ATG2B: variants seen among roughly 807,000 people sequenced by gnomAD.
ATG2B encodes autophagy-related protein 2 homolog B.
ATG2B carries 121 observed loss-of-function variants against 241.3 expected under a neutral mutation model. The ratio of observed to expected loss-of-function variants is 0.50; its 90% CI spans 0.43 to 0.58. The LOEUF (loss-of-function observed/expected upper bound fraction) is 0.58. ATG2B is among the 20% of genes least tolerant of loss of function. The pLI, the probability that ATG2B is intolerant of heterozygous loss-of-function variation, is 0.00. For synonymous variants in ATG2B, 858 were observed against 876.6 expected, an observed-to-expected ratio of 0.98 and a Z score of 0.37; for missense variants, 2,306 against 2,491.6, an observed-to-expected ratio of 0.93 and a Z score of 1.59.
At chr14:96,339,021 A>G (rs1337289511) in intron 6 of ATG2B, among the ~76,000 whole-genome samples, 6 of 152,128 alleles carry the variant, frequency 3.9e-5, no homozygotes, top group Non-Finnish European at 7.4e-5. Flanking sequence ...AACAACCATG[A>G]AAAAGTGTTC....
At chr14:96,347,986 A>G (rs1324966754) in intron 1 of ATG2B, among the ~76,000 whole-genome samples, 1 of 152,240 alleles carries the variant, frequency 6.6e-6, no homozygotes, top group African/African-American at 2.4e-5. Context: ...ACTGTTAGGT[A>G]TAGCCCCCAA....
At chr14:96,304,456 T>C (rs1382296577) in intron 32 of ATG2B, 39 bp downstream of exon 32, 2 of 1,500,436 alleles carry the variant, frequency 1.3e-6, no homozygotes, top group East Asian at 2.3e-5. Context: ...CCCGCCAATA[T>C]CCTACTTAAG....
At chr14:96,340,314 G>A (rs1490632619) in intron 6 of ATG2B, among the ~76,000 whole-genome samples, 1 of 150,176 alleles carries the variant, frequency 6.7e-6, no homozygotes, top group Non-Finnish European at 1.5e-5. Context: ...TCCATCAACA[G>A]ATGAATGGAT....
At position 96,290,103 on chromosome 14, in the gene ATG2B, G is replaced by T; in HGVS notation, c.5857-298C>A. 1 of 1,223,792 alleles carries T rather than the reference G, an allele frequency of 8.2e-7. No homozygotes were observed. Among genetic ancestry groups the T allele is most frequent in the Non-Finnish European group, 1.0e-6 (1 of 970,182 alleles). 75.8% of individuals were successfully genotyped at this position (1,223,792 alleles called of 1,614,324 possible). ...TATGGAGCTTAATACTTACTAGAAT[G>T]ATCTTTAATACTTCTGTTTAATCTA... On this transcript the variant is annotated intron_variant, in intron 40 of 41. Coordinates refer to ENST00000359933, the MANE Select transcript of ATG2B (RefSeq NM_018036.7). The surrounding 1 kb of genome is among the most constrained non-coding windows in gnomAD (Gnocchi z 4.4).
chr14:96,351,486 A>C (rs1179073039), intron 1 of ATG2B, among the ~76,000 whole-genome samples: 2 of 152,172 alleles, frequency 1.3e-5, no homozygotes, highest in Admixed American at 1.3e-4. Flanking sequence ...CTGTAATCTC[A>C]GCACTTTGGG....
chr14:96,308,278 ATATATTTTT>A (rs1887052925), intron 29 of ATG2B, among the ~76,000 whole-genome samples: 1 of 27,718 alleles, frequency 3.6e-5, no homozygotes, highest in Non-Finnish European at 6.8e-5. Context: ...ATATATATAT[ATATATTTTT>A]TTTTTTTTTT....
chr14:96,358,393 C>A (rs1302791637), intron 1 of ATG2B, among the ~76,000 whole-genome samples: 1 of 152,078 alleles, frequency 6.6e-6, no homozygotes, highest in Non-Finnish European at 1.5e-5. Context: ...GCTGATCACA[C>A]CACTGTACTC....
intron 1 of ATG2B, among the ~76,000 whole-genome samples, chr14:96,350,569 A>AT: frequency 6.6e-6 from 1 of 152,352 alleles, no homozygotes; most frequent in South Asian, 2.1e-4. Context: ...CGTAAATGCG[A>AT]TTTTTAAAAG....
intron 10 of ATG2B, 24 bp from the exon 11 acceptor site, chr14:96,331,661 T>C (rs1236818747): frequency 5.9e-6 from 9 of 1,531,130 alleles, no homozygotes; most frequent in East Asian, 2.3e-5. Context: ...ATTAAAATTA[T>C]ATACATAAAA....
At chr14:96,313,203 A>G in intron 24 of ATG2B, 46 bp from the exon 25 acceptor site, 1 of 1,455,488 alleles carries the variant, frequency 6.9e-7, no homozygotes, top group Non-Finnish European at 9.6e-7. Flanking sequence ...ATACGGCTCC[A>G]GAAACTCTAT....
chr14:96,362,768 T>C (rs1888698980), intron 1 of ATG2B, 47 bp downstream of exon 1: 1 of 1,571,520 alleles, frequency 6.4e-7, no homozygotes, highest in Admixed American at 1.9e-5. Flanking sequence ...CAAAGCGCCC[T>C]AAAGAGGGGA....
chr14:96,287,401 T>C (rs1477539362), intron 41 of ATG2B, among the ~76,000 whole-genome samples: 1 of 151,890 alleles, frequency 6.6e-6, no homozygotes, highest in Non-Finnish European at 1.5e-5. Context: ...ACCATCTCCC[T>C]CCCCTCTCCA....
chr14:96,311,728 T>C, intron 26 of ATG2B, 110 bp from the exon 27 acceptor site: 1 of 661,888 alleles, frequency 1.5e-6, no homozygotes, highest in Non-Finnish European at 2.6e-6. Context: ...CAGAGAGCAC[T>C]ACAAATAATT....
At chr14:96,309,668 C>T in intron 28 of ATG2B, 74 bp from the exon 29 acceptor site, 2 of 1,372,614 alleles carry the variant, frequency 1.5e-6, no homozygotes, top group East Asian at 2.3e-5. Context: ...TTATTTTATC[C>T]CAAAAATACA....
chr14:96,294,896 C>T (rs1255442836), intron 36 of ATG2B, 64 bp downstream of exon 36: 1 of 1,431,362 alleles, frequency 7.0e-7, no homozygotes, highest in East Asian at 2.3e-5. Context: ...AGCACACATA[C>T]ATCACAGAAC....
chr14:96,305,841 T>C (rs376890977), intron 30 of ATG2B, 26 bp from the exon 31 acceptor site: 25 of 1,565,058 alleles, frequency 1.6e-5, no homozygotes, highest in South Asian at 1.3e-4. Flanking sequence ...AGGTAACACA[T>C]ACTCTCTTTT....
chr14:96,286,079 C>T (rs1311201236), intron 41 of ATG2B, 94 bp from the exon 42 acceptor site: 9 of 901,904 alleles, frequency 1.0e-5, no homozygotes, highest in Non-Finnish European at 1.5e-5. Flanking sequence ...ACTTTTAAAG[C>T]AGGTAACATT....
At chr14:96,318,490 C>CT (rs1887375102) in intron 18 of ATG2B, among the ~76,000 whole-genome samples, 1 of 152,144 alleles carries the variant, frequency 6.6e-6, no homozygotes, top group African/African-American at 2.4e-5. Flanking sequence ...TCTGTGGGAT[C>CT]AATTCAGTTC....
At chr14:96,350,513 G>T (rs1176757899) in intron 1 of ATG2B, among the ~76,000 whole-genome samples, 1 of 152,184 alleles carries the variant, frequency 6.6e-6, no homozygotes, top group Non-Finnish European at 1.5e-5. Context: ...AATTTCAGTG[G>T]CATGGTGGAG....
Sources: gnomAD v4.1 joint callset for allele counts (sites outside exome capture counted in the v4.1 genomes callset) on GRCh38, gnomAD v4.1.1 for gene constraint, Gnocchi (gnomAD v3.1) non-coding constraint, MANE v1.5 for transcripts, NCBI Gene and HGNC (gene_info 2026-07-23, HGNC 2026-07-21) for gene names.